RYR2: variants seen among roughly 807,000 people sequenced by gnomAD.
RYR2 encodes the protein ryanodine receptor 2, also known as cardiac muscle ryanodine receptor-calcium release channel.
RYR2 carries 227 observed loss-of-function variants against 601.1 expected under a neutral mutation model. That is an observed-to-expected ratio of 0.38 (90% CI 0.34 to 0.42). RYR2 has a LOEUF of 0.42. RYR2 is among the 10% of genes least tolerant of loss of function. The pLI, the probability that RYR2 is intolerant of heterozygous loss-of-function variation, is 1.00. For synonymous variants in RYR2, 2,223 were observed against 2,175.1 expected, an observed-to-expected ratio of 1.02 and a Z score of -0.61; for missense variants, 4,646 against 6,156.5, an observed-to-expected ratio of 0.75 and a Z score of 8.21.
intron 80 of RYR2, among the ~76,000 whole-genome samples, chr1:237,749,765 A>G (rs1692386556): frequency 6.6e-6 from 1 of 152,300 alleles, no homozygotes; most frequent in East Asian, 1.9e-4. Context: ...GCAAGTTTTT[A>G]TCACTTTTTA....
At chr1:237,334,935 A>G (rs1163931394) in intron 3 of RYR2, among the ~76,000 whole-genome samples, 1 of 152,194 alleles carries the variant, frequency 6.6e-6, no homozygotes, top group African/African-American at 2.4e-5. Context: ...CTTTATCATC[A>G]AGGCTTAGTA....
intron 1 of RYR2, among the ~76,000 whole-genome samples, chr1:237,206,561 T>C (rs553574396): frequency 6.6e-6 from 1 of 152,328 alleles, no homozygotes; most frequent in East Asian, 1.9e-4. Flanking sequence ...CATATAATAC[T>C]AAAAGACTTA....
chr1:237,189,763 A>G (rs555479842), intron 1 of RYR2, among the ~76,000 whole-genome samples: 17 of 152,234 alleles, frequency 1.1e-4, no homozygotes, highest in Admixed American at 3.3e-4. Context: ...CGCCCAGTCT[A>G]TAACACCTTT....
At chr1:237,711,897 G>T (rs903692510) in intron 71 of RYR2, 60 bp downstream of exon 71, 5 of 803,576 alleles carry the variant, frequency 6.2e-6, no homozygotes, top group South Asian at 3.2e-5. Context: ...TTCATGAATT[G>T]ACTTTTTTTT....
intron 84 of RYR2, among the ~76,000 whole-genome samples, chr1:237,763,739 G>A (rs529238377): frequency 6.6e-6 from 1 of 152,304 alleles, no homozygotes; most frequent in African/African-American, 2.4e-5. Flanking sequence ...CCTATTAGGA[G>A]CATATGTAAG....
intron 1 of RYR2, among the ~76,000 whole-genome samples, chr1:237,263,965 G>C (rs1046633817): frequency 1.3e-5 from 2 of 152,130 alleles, no homozygotes; most frequent in Non-Finnish European, 2.9e-5. Context: ...CAGGGTGATA[G>C]GGGCTGCTAT....
intron 1 of RYR2, among the ~76,000 whole-genome samples, chr1:237,112,094 G>A (rs11583937): frequency 0.16 from 23,965 of 152,004 alleles, 2,218 homozygotes; most frequent in Non-Finnish European, 0.19. Flanking sequence ...ATCACTGGAT[G>A]TTTTTGCTAC....
chr1:237,141,990 T>A (rs565639169), intron 1 of RYR2, among the ~76,000 whole-genome samples: 1 of 152,234 alleles, frequency 6.6e-6, no homozygotes, highest in Non-Finnish European at 1.5e-5. Context: ...AGGACACTTG[T>A]GGGATTTGCA....
chr1:237,829,316 C>T (rs1663512190), intron 102 of RYR2, among the ~76,000 whole-genome samples: 1 of 152,122 alleles, frequency 6.6e-6, no homozygotes, highest in South Asian at 2.1e-4. Flanking sequence ...CAGCATTTTC[C>T]AGGTGGGAGA....
chr1:237,250,557 G>A (rs377279859), intron 1 of RYR2, among the ~76,000 whole-genome samples: 176 of 152,170 alleles, frequency 1.2e-3, no homozygotes, highest in African/African-American at 4.1e-3. Context: ...CCTTTACTAA[G>A]GCAGTTCCCT....
intron 58 of RYR2, among the ~76,000 whole-genome samples, chr1:237,670,095 T>C (rs1043883632): frequency 2.0e-5 from 3 of 152,130 alleles, no homozygotes; most frequent in African/African-American, 7.2e-5. Flanking sequence ...GAGACCGGCC[T>C]GGCCAACACA....
rs1397472913 is a variant in RYR2 at position 237,798,187 on chromosome 1, C to T, written c.14090+17C>T. The stretch of plus-strand genomic sequence containing the variant: ...ATCAGCTGTGTAAGTGTTACTTCGG[C>T]TCTATCCTACAGACTTAGATTGAAA... On this transcript the variant is annotated intron_variant, in intron 97 of 104. Coordinates refer to ENST00000366574, the MANE Select transcript of RYR2 (RefSeq NM_001035.3). 4 of 1,607,268 alleles carry T rather than the reference C, an allele frequency of 2.5e-6. No individual in the cohort carries two copies. The highest frequency in any genetic ancestry group is 3.4e-6 in the Non-Finnish European group (4 of 1,177,432).
At chr1:237,556,683 G>A (rs923439505) in intron 27 of RYR2, among the ~76,000 whole-genome samples, 1 of 151,782 alleles carries the variant, frequency 6.6e-6, no homozygotes, top group Non-Finnish European at 1.5e-5. Context: ...ATGAATAAGA[G>A]TTTTTGTCTT....
At chr1:237,696,456 A>G (rs1459122713) in intron 63 of RYR2, among the ~76,000 whole-genome samples, 2 of 151,694 alleles carry the variant, frequency 1.3e-5, no homozygotes, top group Admixed American at 1.3e-4. Context: ...AGTTTCATTG[A>G]GACCCACGAT....
At chr1:237,143,562 G>A (rs1204368138) in intron 1 of RYR2, among the ~76,000 whole-genome samples, 2 of 152,084 alleles carry the variant, frequency 1.3e-5, no homozygotes, top group African/African-American at 2.4e-5. Flanking sequence ...ACGCTTTCAC[G>A]GGGCAGAACT....
chr1:237,556,305 ATTATTAT>A (rs946357218), intron 27 of RYR2, among the ~76,000 whole-genome samples: 8 of 143,984 alleles, frequency 5.6e-5, no homozygotes, highest in Non-Finnish European at 1.0e-4. Context: ...TATTATTATT[ATTATTAT>A]TAGTTGAGAT....
At chr1:237,539,790 C>T (rs1001300935) in intron 25 of RYR2, among the ~76,000 whole-genome samples, 5 of 152,118 alleles carry the variant, frequency 3.3e-5, no homozygotes, top group Non-Finnish European at 5.9e-5. Context: ...ACCACCATGG[C>T]ACACGTTTAC....
rs567096547 is a variant in RYR2, at chr1:237,315,024, CA to C, written c.169-15847del. Among the ~76,000 whole-genome samples the C allele has an allele frequency of 6.6e-4, 100 of 151,908 alleles. No individual in the cohort carries two copies. In the Middle Eastern group the frequency reaches 0.01, roughly 16 times the overall value. On this transcript the variant is annotated intron_variant, in intron 2 of 104. Coordinates refer to ENST00000366574, the MANE Select transcript of RYR2 (RefSeq NM_001035.3). ...CATTAGGTTCTATTATGGTATTTGC[CA>C]AAAAAATAAAATTTAGAAGTATGTA...
chr1:237,557,983 G>A (rs1671074399), intron 27 of RYR2, among the ~76,000 whole-genome samples: 1 of 152,184 alleles, frequency 6.6e-6, no homozygotes, highest in Non-Finnish European at 1.5e-5. Context: ...GAGAGAAACA[G>A]AGGGTTAAAA....
Sources: allele counts gnomAD v4.1 joint callset (sites outside exome capture counted in the v4.1 genomes callset), GRCh38; gene constraint gnomAD v4.1.1; transcripts MANE v1.5; gene names NCBI Gene and HGNC (gene_info 2026-07-23, HGNC 2026-07-21).